GSG1L: variants seen among roughly 807,000 people sequenced by gnomAD.
The protein encoded by GSG1L is GSG1 like.
In GSG1L, 24 loss-of-function variants were observed where a neutral mutation model predicts 42.1. That is an observed-to-expected ratio of 0.57 (90% CI 0.41 to 0.80). The LOEUF (loss-of-function observed/expected upper bound fraction) is 0.80, where lower values mean the gene tolerates loss of function less well. Among genes scored for constraint, GSG1L ranks in the 30% least tolerant of loss-of-function variants. GSG1L has a pLI of 0.00. For synonymous variants in GSG1L, 215 were observed against 203.5 expected (o/e 1.06, Z -0.48); for missense variants, 445 against 472.2 (o/e 0.94, Z 0.53).
chr16:27,807,108 A>T (rs2082973064), intron 6 of GSG1L, among the ~76,000 whole-genome samples: 1 of 152,200 alleles, frequency 6.6e-6, no homozygotes, highest in South Asian at 2.1e-4. Context: ...AGCTGCCAAG[A>T]GTATCCTCAG....
intron 1 of GSG1L, among the ~76,000 whole-genome samples, chr16:28,007,475 T>C (rs991068874): frequency 1.6e-5 from 2 of 124,156 alleles, no homozygotes; most frequent in Non-Finnish European, 3.3e-5. Context: ...TGCATGTGTG[T>C]GTGGTTGGTT....
intron 1 of GSG1L, among the ~76,000 whole-genome samples, chr16:27,968,195 A>AAAG (rs578187275): frequency 1.8e-4 from 27 of 151,988 alleles, no homozygotes; most frequent in Non-Finnish European, 2.9e-5. Flanking sequence ...TTTTCACCTA[A>AAAG]AAGTTTATAT....
intron 3 of GSG1L, among the ~76,000 whole-genome samples, chr16:27,881,205 C>T (rs555047989): frequency 8.0e-5 from 12 of 149,336 alleles, no homozygotes; most frequent in East Asian, 3.9e-4. Context: ...ACATATGAAA[C>T]GGGATTCAGT....
intron 3 of GSG1L, among the ~76,000 whole-genome samples, chr16:27,865,574 C>CAT (rs1460582362): frequency 8.3e-4 from 9 of 10,842 alleles, no homozygotes; most frequent in Middle Eastern, 0.062. Flanking sequence ...TATATATATA[C>CAT]ACACACACAT....
At chr16:27,808,493 A>T (rs2082994420) in intron 5 of GSG1L, among the ~76,000 whole-genome samples, 2 of 148,480 alleles carry the variant, frequency 1.3e-5, no homozygotes, top group Non-Finnish European at 3.0e-5. Context: ...GTCTCGGCTC[A>T]CTGCACCCTC....
chr16:27,938,755 T>C (rs1862453), intron 2 of GSG1L, among the ~76,000 whole-genome samples: 109,151 of 152,160 alleles, frequency 0.72, 39,398 homozygotes, highest in Non-Finnish European at 0.75. Context: ...GGTAAGATTC[T>C]GAAAGCATGG....
intron 3 of GSG1L, among the ~76,000 whole-genome samples, chr16:27,852,591 C>A (rs980422321): frequency 1.3e-5 from 2 of 152,200 alleles, no homozygotes; most frequent in African/African-American, 2.4e-5. Flanking sequence ...AACCCACAGG[C>A]AAAGTGGTTT....
In GSG1L at chr16:27,891,452, T is replaced by A. The variant is rs577100262; in HGVS notation, c.398-6814A>T. On this transcript the variant is annotated intron_variant, in intron 2 of 6. Transcript: ENST00000447459. ...TCTAGCCATACTGTGTAACTTTTTT[T>A]TATTATTTGTTATTATTAATTATTC... Among the ~76,000 whole-genome samples the A allele has an allele frequency of 7.3e-4, 110 of 151,648 alleles. 1 individual carries two copies. Among genetic ancestry groups the A allele is most frequent in the Admixed American group, 7.1e-3 (107 of 15,172 alleles).
intron 2 of GSG1L, among the ~76,000 whole-genome samples, chr16:27,940,696 A>C (rs1247261642): frequency 9.7e-6 from 1 of 102,610 alleles, no homozygotes; most frequent in South Asian, 3.4e-4. Flanking sequence ...CACTCTGGGG[A>C]CTGTTGTGGG....
intron 3 of GSG1L, among the ~76,000 whole-genome samples, chr16:27,859,206 C>T (rs938907127): frequency 6.6e-6 from 1 of 152,154 alleles, no homozygotes; most frequent in African/African-American, 2.4e-5. Flanking sequence ...TGGTCTTCTC[C>T]TGACTTCTGG....
intron 3 of GSG1L, among the ~76,000 whole-genome samples, chr16:27,861,042 C>T (rs1397046089): frequency 1.3e-5 from 2 of 152,136 alleles, no homozygotes; most frequent in African/African-American, 4.8e-5. Context: ...AGCCTGAACC[C>T]TCTAATAAAT....
At chr16:27,925,413 C>T (rs138376815) in intron 2 of GSG1L, among the ~76,000 whole-genome samples, 5 of 152,004 alleles carry the variant, frequency 3.3e-5, no homozygotes, top group African/African-American at 1.2e-4. Flanking sequence ...GGGTGGAAGG[C>T]GAGGCTAGGT....
At chr16:27,942,132 A>C (rs542524390) in intron 2 of GSG1L, among the ~76,000 whole-genome samples, 1 of 151,196 alleles carries the variant, frequency 6.6e-6, no homozygotes, top group East Asian at 1.9e-4. Flanking sequence ...ATAATAAAAA[A>C]AATTAAAACT....
At chr16:27,830,677 C>G (rs75705459) in intron 4 of GSG1L, among the ~76,000 whole-genome samples, 165 of 152,316 alleles carry the variant, frequency 1.1e-3, no homozygotes, top group African/African-American at 3.8e-3. Flanking sequence ...CACCACCCCC[C>G]ACCATTCATA....
At chr16:27,971,742 C>T (rs954986586) in intron 1 of GSG1L, among the ~76,000 whole-genome samples, 1 of 152,094 alleles carries the variant, frequency 6.6e-6, no homozygotes, top group Non-Finnish European at 1.5e-5. Context: ...GGGATGCATT[C>T]ATTTTTGTAC....
intron 6 of GSG1L, among the ~76,000 whole-genome samples, chr16:27,800,772 G>C (rs148335999): frequency 6.6e-6 from 1 of 152,298 alleles, no homozygotes; most frequent in East Asian, 1.9e-4. Context: ...GAGGTTGACA[G>C]CCAACAATTA....
intron 3 of GSG1L, among the ~76,000 whole-genome samples, chr16:27,869,655 TC>T (rs1567496159): frequency 8.5e-5 from 8 of 94,230 alleles, no homozygotes; most frequent in East Asian, 8.1e-4. Context: ...CTCTCTGTCT[TC>T]CTCCATCTCT....
In GSG1L at chr16:27,888,475, TCTCTTTCC is replaced by T. The variant is rs1567505822; in HGVS notation, c.398-3845_398-3838del. 2.5e-3 allele frequency among the ~76,000 whole-genome samples: 183 copies of T among 73,382 alleles called. 22 individuals are homozygous for T. Among genetic ancestry groups the T allele is most frequent in the Non-Finnish European group, 4.3e-3 (140 of 32,546 alleles). The allele number at this position is 73,382 out of a possible 152,430, so 48.1% of individuals were successfully genotyped here. A position where few individuals can be genotyped will look rare whatever the true frequency, so the allele number is the denominator to read the frequency against. On this transcript the variant is annotated intron_variant, in intron 2 of 6. Transcript: ENST00000447459. Reference sequence around the variant, plus strand: ...TTCTTTCTTTCTTTCTCTCTCTCTCTCTCTTTCCTTTCTTTCTTTCTTTCTTTCTTTCT... The same window carrying T: ...TTCTTTCTTTCTTTCTCTCTCTCTCTTTTCTTTCTTTCTTTCTTTCTTTCT...
rs1567529874 is a variant in GSG1L at position 27,946,608 on chromosome 16, AG to A, written c.397+16547del. 4.4e-3 allele frequency among the ~76,000 whole-genome samples: 31 copies of A among 7,106 alleles called. 1 individual carries two copies. The highest frequency in any genetic ancestry group is 0.016 in the African/African-American group (25 of 1,574). The allele number at this position is 7,106 out of a possible 152,430, so 4.7% of individuals were successfully genotyped here. A position where few individuals can be genotyped will look rare whatever the true frequency, so the allele number is the denominator to read the frequency against. On this transcript the variant is annotated intron_variant, in intron 2 of 6. Transcript: ENST00000447459. The stretch of plus-strand genomic sequence containing the variant: ...GAGAGAGAGAGAGAGAGAGAGAGAG[AG>A]AGAGAGAGAGAGAGAGAGAGAGAAA...
Sources: allele counts gnomAD v4.1 joint callset (sites outside exome capture counted in the v4.1 genomes callset), GRCh38; gene constraint gnomAD v4.1.1; transcripts MANE v1.5; gene names NCBI Gene and HGNC (gene_info 2026-07-23, HGNC 2026-07-21).